MCEE: variants seen among roughly 807,000 people sequenced by gnomAD.
MCEE encodes methylmalonyl-CoA epimerase, also known as methylmalonyl-CoA epimerase, mitochondrial.
In MCEE, 6 loss-of-function variants were observed where a neutral mutation model predicts 12.9. The ratio of observed to expected loss-of-function variants is 0.47; its 90% CI spans 0.26 to 0.92. The LOEUF (loss-of-function observed/expected upper bound fraction) is 0.92. Ranked by LOEUF, MCEE falls within the 40% of genes least tolerant of loss-of-function variation. MCEE has a pLI of 0.16. For missense variants in MCEE, 214 were observed against 212.1 expected (o/e 1.01, Z -0.05); for synonymous variants, 78 against 77.9 (o/e 1.00, Z -0.01).
intron 2 of MCEE, among the ~76,000 whole-genome samples, chr2:71,113,886 T>C (rs1284634288): frequency 6.6e-6 from 1 of 152,216 alleles, no homozygotes; most frequent in Admixed American, 6.5e-5. Context: ...GTAAGTCATG[T>C]TGATAGTATG....
In MCEE at chr2:71,118,893, C is replaced by T. The variant is rs549816278; in HGVS notation, c.378+5313G>A. Among the ~76,000 whole-genome samples the T allele has an allele frequency of 8.7e-5, 13 of 149,986 alleles. 1 individual carries two copies. The highest frequency in any genetic ancestry group is 4.2e-4 in the South Asian group (2 of 4,782). On this transcript the variant is annotated intron_variant, in intron 2 of 2. Coordinates refer to ENST00000244217, the MANE Select transcript of MCEE (RefSeq NM_032601.4). ...CAAACGCACAAACCCTGCTCAGACT[C>T]GGACACCTTGCACTGGAACTCCCCA...
chr2:71,111,455 T>C (rs9653504), intron 2 of MCEE, among the ~76,000 whole-genome samples: 41,770 of 151,948 alleles, frequency 0.27, 6,707 homozygotes, highest in East Asian at 0.66. Flanking sequence ...TAGGACTAAT[T>C]TTCCTCACTA....
intron 1 of MCEE, among the ~76,000 whole-genome samples, chr2:71,125,211 A>ATATATATTT: frequency 4.1e-5 from 2 of 48,608 alleles, no homozygotes; most frequent in African/African-American, 6.0e-5. Context: ...ATATATATAT[A>ATATATATTT]TTTTTTTTTT....
In MCEE at chr2:71,115,836, T is replaced by A. The variant is rs1422493295; in HGVS notation, c.379-5714A>T. On this transcript the variant is annotated intron_variant, in intron 2 of 2. Coordinates refer to ENST00000244217, the MANE Select transcript of MCEE (RefSeq NM_032601.4). ...TTGGGGGGTGGGGGAAAGGGGGGGA[T>A]AACAGTAAGAGAAATATCTAATGTA... 4.0e-5 allele frequency among the ~76,000 whole-genome samples: 6 copies of A among 148,438 alleles called. 1 individual carries two copies. Among genetic ancestry groups the A allele is most frequent in the African/African-American group, 1.6e-4 (6 of 38,446 alleles).
intron 1 of MCEE, among the ~76,000 whole-genome samples, chr2:71,126,867 A>G (rs1344688476): frequency 6.6e-6 from 1 of 152,210 alleles, no homozygotes; most frequent in African/African-American, 2.4e-5. Flanking sequence ...GAAAATGATT[A>G]CCAACACTGA....
At chr2:71,125,211 A>ATATATATATATATATATTTTTT in intron 1 of MCEE, among the ~76,000 whole-genome samples, 5 of 48,592 alleles carry the variant, frequency 1.0e-4, no homozygotes, top group African/African-American at 1.8e-4. Context: ...ATATATATAT[A>ATATATATATATATATATTTTTT]TTTTTTTTTT....
Position 71,117,972 on chromosome 2 carries a change from A to G in MCEE, c.378+6234T>C, listed in dbSNP as rs561900378. Among the ~76,000 whole-genome samples, 218 of 149,900 alleles carry G rather than the reference A, an allele frequency of 1.5e-3. 2 individuals are homozygous for G. The highest frequency in any genetic ancestry group is 1.3e-3 in the Non-Finnish European group (91 of 67,956). Reference sequence around the variant, plus strand: ...CATCCCATCTGAGCTCCCACTCACAATTCCAGGCCACACCACCCCTGCACA... The same window carrying G: ...CATCCCATCTGAGCTCCCACTCACAGTTCCAGGCCACACCACCCCTGCACA... On this transcript the variant is annotated intron_variant, in intron 2 of 2. Transcript: ENST00000244217.
At chr2:71,122,277 G>T (rs1673114116) in intron 2 of MCEE, among the ~76,000 whole-genome samples, 1 of 152,118 alleles carries the variant, frequency 6.6e-6, no homozygotes, top group African/African-American at 2.4e-5. Flanking sequence ...GGGACTACAG[G>T]TGCATACCAC....
intron 2 of MCEE, among the ~76,000 whole-genome samples, chr2:71,122,157 G>A (rs1041606190): frequency 6.6e-5 from 10 of 152,052 alleles, no homozygotes; most frequent in Admixed American, 1.3e-4. Flanking sequence ...ACAGGGTCTC[G>A]CTCTTTCATT....
intron 2 of MCEE, among the ~76,000 whole-genome samples, chr2:71,111,160 G>A (rs1045509901): frequency 1.3e-5 from 2 of 152,096 alleles, no homozygotes; most frequent in African/African-American, 4.8e-5. Context: ...TTGTATTCCT[G>A]ATATTTCTTT....
chr2:71,113,216 G>T (rs1377323484), intron 2 of MCEE, among the ~76,000 whole-genome samples: 1 of 152,200 alleles, frequency 6.6e-6, no homozygotes, highest in Non-Finnish European at 1.5e-5. Flanking sequence ...GGAGACGTCA[G>T]TATGCTCTGA....
intron 1 of MCEE, among the ~76,000 whole-genome samples, chr2:71,128,000 T>G: frequency 6.6e-6 from 1 of 152,238 alleles, no homozygotes; most frequent in East Asian, 1.9e-4. Context: ...TCATTAGAAG[T>G]GCTTTCAAGT....
intron 2 of MCEE, among the ~76,000 whole-genome samples, chr2:71,115,702 T>C (rs762611838): frequency 5.4e-5 from 8 of 149,498 alleles, no homozygotes; most frequent in Middle Eastern, 3.4e-3. Flanking sequence ...TAATAACCCA[T>C]CTTTTAAAAA....
In MCEE at chr2:71,109,854, T is replaced by C. The variant is rs1672849566; in HGVS notation, c.*116A>G. On this transcript the variant is annotated 3_prime_UTR_variant, in exon 3 of 3. Coordinates refer to ENST00000244217, the MANE Select transcript of MCEE (RefSeq NM_032601.4). Reference sequence around the variant, plus strand: ...ATTTTAATCTTTCTGTAATTCAGTCTTTAACTGTGAACTTTTACATGATGG... The same window carrying C: ...ATTTTAATCTTTCTGTAATTCAGTCCTTAACTGTGAACTTTTACATGATGG... 11 of 910,822 alleles carry C rather than the reference T, an allele frequency of 1.2e-5. No homozygotes were observed. The highest frequency in any genetic ancestry group is 2.6e-5 in the East Asian group (1 of 38,856). The allele number at this position is 910,822 out of a possible 1,614,324, so 56.4% of individuals were successfully genotyped here.
chr2:71,124,756 G>C (rs1673183006), intron 1 of MCEE, among the ~76,000 whole-genome samples: 1 of 151,986 alleles, frequency 6.6e-6, no homozygotes, highest in African/African-American at 2.4e-5. Context: ...GAATAAAAAA[G>C]CTAATTCTGA....
Position 71,109,859 on chromosome 2 carries a change from C to T in MCEE, c.*111G>A. On this transcript the variant is annotated 3_prime_UTR_variant, in exon 3 of 3. Transcript: ENST00000244217. ...AATCTTTCTGTAATTCAGTCTTTAACTGTGAACTTTTACATGATGGAAGCA... is the reference window on the plus strand; with the variant it reads ...AATCTTTCTGTAATTCAGTCTTTAATTGTGAACTTTTACATGATGGAAGCA... 1 of 961,692 alleles carries T rather than the reference C, an allele frequency of 1.0e-6. No homozygotes were observed. Among genetic ancestry groups the T allele is most frequent in the East Asian group, 2.5e-5 (1 of 39,520 alleles). The allele number at this position is 961,692 out of a possible 1,614,324, so 59.6% of individuals were successfully genotyped here.
At chr2:71,127,786 C>T (rs1343754880) in intron 1 of MCEE, among the ~76,000 whole-genome samples, 1 of 152,132 alleles carries the variant, frequency 6.6e-6, no homozygotes, top group Non-Finnish European at 1.5e-5. Flanking sequence ...GCCACCACGC[C>T]CGGTTAATTT....
intron 2 of MCEE, among the ~76,000 whole-genome samples, chr2:71,121,740 G>A (rs540028535): frequency 6.6e-6 from 1 of 151,644 alleles, no homozygotes; most frequent in African/African-American, 2.4e-5. Flanking sequence ...TGGGGGGTGG[G>A]GTAGGGCTTA....
chr2:71,126,705 T>C (rs1673241109), intron 1 of MCEE, among the ~76,000 whole-genome samples: 1 of 152,166 alleles, frequency 6.6e-6, no homozygotes, highest in Non-Finnish European at 1.5e-5. Flanking sequence ...TAAAAATGTG[T>C]TCCTGAAAAG....
Sources: allele counts gnomAD v4.1 joint callset (sites outside exome capture counted in the v4.1 genomes callset), GRCh38; gene constraint gnomAD v4.1.1; transcripts MANE v1.5; gene names NCBI Gene and HGNC (gene_info 2026-07-23, HGNC 2026-07-21).